Variants in INTS7 observed in about 807,000 individuals in gnomAD.
The protein encoded by INTS7 is integrator complex subunit 7, also known as chromosome 1 open reading frame 73.
A neutral mutation model predicts 109.2 loss-of-function variants in INTS7; 46 were observed. That is an observed-to-expected ratio of 0.42 (90% CI 0.33 to 0.54). The LOEUF (loss-of-function observed/expected upper bound fraction) is 0.54. Ranked by LOEUF, INTS7 falls within the 20% of genes least tolerant of loss-of-function variation. The pLI, the probability that INTS7 is intolerant of heterozygous loss-of-function variation, is 0.07. For missense variants in INTS7, 929 were observed against 1,132.4 expected, an observed-to-expected ratio of 0.82 and a Z score of 2.58; for synonymous variants, 412 against 402.9, an observed-to-expected ratio of 1.02 and a Z score of -0.27.
intron 5 of INTS7, among the ~76,000 whole-genome samples, chr1:212,007,896 C>T (rs1666004572): frequency 6.6e-6 from 1 of 152,090 alleles, no homozygotes; most frequent in Non-Finnish European, 1.5e-5. Context: ...AGAATGGTTT[C>T]GAAGTCCTCT....
At chr1:212,027,006 A>T (rs770915560) in intron 1 of INTS7, among the ~76,000 whole-genome samples, 15 of 152,240 alleles carry the variant, frequency 9.9e-5, no homozygotes, top group Non-Finnish European at 2.1e-4. Context: ...TAATATCATC[A>T]AACTTTTTTC....
At chr1:211,965,434 A>T (rs191113684) in intron 16 of INTS7, among the ~76,000 whole-genome samples, 47 of 152,316 alleles carry the variant, frequency 3.1e-4, no homozygotes, top group African/African-American at 8.9e-4. Context: ...CGGCCAAGAA[A>T]TCCCATAACT....
At chr1:211,954,046 T>G (rs1663241072) in intron 16 of INTS7, among the ~76,000 whole-genome samples, 1 of 152,200 alleles carries the variant, frequency 6.6e-6, no homozygotes, top group Non-Finnish European at 1.5e-5. Flanking sequence ...TTTCTCCACA[T>G]CCTCTCCAGC....
chr1:212,003,332 A>G (rs1027880311), intron 7 of INTS7, among the ~76,000 whole-genome samples: 8 of 151,428 alleles, frequency 5.3e-5, no homozygotes, highest in Non-Finnish European at 1.0e-4. Flanking sequence ...AAAACCCTTC[A>G]AAGAGTATTA....
intron 8 of INTS7, among the ~76,000 whole-genome samples, chr1:211,986,583 G>A (rs1010165165): frequency 6.6e-6 from 1 of 152,200 alleles, no homozygotes; most frequent in South Asian, 2.1e-4. Flanking sequence ...CATTGTTACT[G>A]ATTATTTCAT....
At chr1:211,948,567 T>C (rs963949054) in intron 17 of INTS7, among the ~76,000 whole-genome samples, 4 of 152,166 alleles carry the variant, frequency 2.6e-5, no homozygotes, top group Admixed American at 6.5e-5. Context: ...CTTGGAAAAG[T>C]GTGGAGTGCC....
intron 18 of INTS7, among the ~76,000 whole-genome samples, chr1:211,945,276 G>T (rs1274890395): frequency 6.6e-6 from 1 of 152,196 alleles, no homozygotes; most frequent in Non-Finnish European, 1.5e-5. Flanking sequence ...ACCACTTCTA[G>T]TAGGGAAAGG....
At chr1:211,944,125 A>G (rs1021145212) in intron 19 of INTS7, among the ~76,000 whole-genome samples, 11 of 151,906 alleles carry the variant, frequency 7.2e-5, no homozygotes, top group Non-Finnish European at 1.5e-5. Context: ...TAGAAATGCT[A>G]TATACTTTTT....
chr1:211,957,306 C>T (rs577717624), intron 16 of INTS7, among the ~76,000 whole-genome samples: 2 of 152,188 alleles, frequency 1.3e-5, no homozygotes, highest in African/African-American at 2.4e-5. Context: ...AGCACTTTGG[C>T]AGGCTGAGGC....
At chr1:211,997,528 GAA>G (rs71137714) in intron 7 of INTS7, among the ~76,000 whole-genome samples, 4 of 58,958 alleles carry the variant, frequency 6.8e-5, no homozygotes, top group Admixed American at 2.4e-4. Flanking sequence ...TCTCCAAACA[GAA>G]AAAAAAAAAA....
chr1:211,951,596 G>A (rs1258927857), intron 17 of INTS7, among the ~76,000 whole-genome samples: 1 of 152,124 alleles, frequency 6.6e-6, no homozygotes, highest in African/African-American at 2.4e-5. Flanking sequence ...GTGAGCCACC[G>A]CACCCGGCCA....
At chr1:212,031,713 T>C (rs1667172845) in intron 1 of INTS7, among the ~76,000 whole-genome samples, 1 of 152,210 alleles carries the variant, frequency 6.6e-6, no homozygotes, top group Non-Finnish European at 1.5e-5. Context: ...GTTGAGTAAA[T>C]GAATGGCTAT....
At chr1:211,973,275 CTG>C (rs1664259860) in intron 13 of INTS7, among the ~76,000 whole-genome samples, 2 of 152,200 alleles carry the variant, frequency 1.3e-5, no homozygotes, top group Admixed American at 1.3e-4. Context: ...CCCACAGAAA[CTG>C]TGAAATAATA....
chr1:211,949,727 G>GC (rs888190597), intron 17 of INTS7, among the ~76,000 whole-genome samples: 1 of 152,002 alleles, frequency 6.6e-6, no homozygotes, highest in African/African-American at 2.4e-5. Flanking sequence ...TTTCTAAGAA[G>GC]CCCCCCTGTG....
intron 7 of INTS7, among the ~76,000 whole-genome samples, chr1:212,001,719 G>T (rs1381290715): frequency 1.3e-5 from 2 of 152,186 alleles, no homozygotes; most frequent in Non-Finnish European, 2.9e-5. Flanking sequence ...AAACGCAAAG[G>T]TGAACTATCA....
At chr1:211,952,484 T>C in intron 17 of INTS7, 85 bp downstream of exon 17, 1 of 1,373,500 alleles carries the variant, frequency 7.3e-7, no homozygotes, top group Non-Finnish European at 1.0e-6. Flanking sequence ...AAGGTTAATT[T>C]GTTGAACTCA....
chr1:212,026,626 A>C (rs1420543351), intron 1 of INTS7, among the ~76,000 whole-genome samples: 3 of 152,220 alleles, frequency 2.0e-5, no homozygotes. Context: ...CACACAGGGC[A>C]GAGAAGGGGA....
intron 19 of INTS7, 101 bp downstream of exon 19, chr1:211,944,683 G>T: frequency 1.1e-6 from 1 of 938,992 alleles, no homozygotes; most frequent in Non-Finnish European, 1.7e-6. Flanking sequence ...TCCCTTTGGA[G>T]GTATAACTGC....
intron 17 of INTS7, among the ~76,000 whole-genome samples, chr1:211,947,676 C>T (rs979118210): frequency 7.9e-5 from 12 of 152,190 alleles, no homozygotes; most frequent in Admixed American, 1.3e-4. Context: ...CAGCCGCTTA[C>T]AGGCTCCTGC....
Sources: gnomAD v4.1 joint callset for allele counts (sites outside exome capture counted in the v4.1 genomes callset) on GRCh38, gnomAD v4.1.1 for gene constraint, MANE v1.5 for transcripts, NCBI Gene and HGNC (gene_info 2026-07-23, HGNC 2026-07-21) for gene names.